Variants in RNF212B observed in about 807,000 individuals in gnomAD.
RNF212B encodes the protein ring finger protein 212B.
RNF212B carries 52 observed loss-of-function variants against 55.5 expected under a neutral mutation model. The observed-to-expected ratio is 0.94, with a 90% CI of 0.75 to 1.18. The LOEUF is 1.18. Among genes scored for constraint, RNF212B ranks in the 50% most tolerant of loss-of-function variants. The probability of loss-of-function intolerance (pLI) is 0.00; values close to 1 mark genes in which losing one functional copy is unlikely to be tolerated. For synonymous variants in RNF212B, 99 were observed against 121.4 expected, an observed-to-expected ratio of 0.82 and a Z score of 1.21; for missense variants, 289 against 350.4, an observed-to-expected ratio of 0.82 and a Z score of 1.40.
At chr14:23,225,667 G>A (rs553085298) in intron 2 of RNF212B, among the ~76,000 whole-genome samples, 44 of 150,570 alleles carry the variant, frequency 2.9e-4, no homozygotes, top group African/African-American at 1.0e-3. Context: ...GGGTAGTGGG[G>A]ATGGGGTGGG....
At chr14:23,231,057 C>G (rs1326080040) in intron 2 of RNF212B, among the ~76,000 whole-genome samples, 1 of 152,134 alleles carries the variant, frequency 6.6e-6, no homozygotes, top group African/African-American at 2.4e-5. Flanking sequence ...CAATATGAGT[C>G]TTCCAAATTT....
intron 2 of RNF212B, among the ~76,000 whole-genome samples, chr14:23,222,207 CT>C (rs1271457936): frequency 1.3e-5 from 2 of 151,488 alleles, no homozygotes; most frequent in Non-Finnish European, 2.9e-5. Flanking sequence ...AAAAAAAGTT[CT>C]TTTGAAAAGA....
At chr14:23,220,836 C>T (rs1053187633) in intron 2 of RNF212B, among the ~76,000 whole-genome samples, 1 of 151,084 alleles carries the variant, frequency 6.6e-6, no homozygotes, top group Non-Finnish European at 1.5e-5. Context: ...AAAAACAAAA[C>T]AAAACAAAAA....
intron 2 of RNF212B, among the ~76,000 whole-genome samples, chr14:23,198,010 G>A (rs1878903196): frequency 6.6e-6 from 1 of 152,108 alleles, no homozygotes; most frequent in Non-Finnish European, 1.5e-5. Flanking sequence ...CAGTTAGGGT[G>A]GGGCAGGAAC....
chr14:23,193,899 T>A (rs1467286745), intron 2 of RNF212B, among the ~76,000 whole-genome samples: 1 of 152,204 alleles, frequency 6.6e-6, no homozygotes, highest in African/African-American at 2.4e-5. Flanking sequence ...TGGAGTGCAG[T>A]GGCGCGATCT....
chr14:23,269,598 G>A (rs1008093263), intron 12 of RNF212B, among the ~76,000 whole-genome samples: 1 of 151,866 alleles, frequency 6.6e-6, no homozygotes, highest in African/African-American at 2.4e-5. Context: ...TGTGGTCCCA[G>A]CTACTTGGGA....
chr14:23,257,514 CAA>C (rs1026417793), intron 4 of RNF212B, among the ~76,000 whole-genome samples: 3 of 152,018 alleles, frequency 2.0e-5, no homozygotes, highest in African/African-American at 7.3e-5. Context: ...TAAGTGAGAA[CAA>C]AAAGTTTATG....
chr14:23,220,729 G>T (rs1337151372), intron 2 of RNF212B, among the ~76,000 whole-genome samples: 1 of 148,200 alleles, frequency 6.7e-6, no homozygotes, highest in African/African-American at 2.5e-5. Flanking sequence ...GGAGGCTGAG[G>T]CAGGAGAATG....
intron 2 of RNF212B, among the ~76,000 whole-genome samples, chr14:23,211,462 A>C (rs779133368): frequency 7.9e-5 from 12 of 152,150 alleles, no homozygotes; most frequent in Non-Finnish European, 1.8e-4. Flanking sequence ...TTCTACACAA[A>C]TACTCCCCAA....
chr14:23,238,236 T>A (rs1883272447), intron 1 of RNF212B, among the ~76,000 whole-genome samples, 181 bp downstream of exon 1: 1 of 150,658 alleles, frequency 6.6e-6, no homozygotes, highest in East Asian at 1.9e-4. Flanking sequence ...TAAACAAACC[T>A]GGGCATATAG....
intron 1 of RNF212B, among the ~76,000 whole-genome samples, chr14:23,238,774 A>ATCATCATCATC (rs1555316061): frequency 0.012 from 1,386 of 119,638 alleles, 14 homozygotes; most frequent in South Asian, 0.036. Flanking sequence ...TAATAATAAT[A>ATCATCATCATC]ATAATAATCC....
chr14:23,252,459 T>G (rs1157083743), intron 4 of RNF212B, among the ~76,000 whole-genome samples: 1 of 152,240 alleles, frequency 6.6e-6, no homozygotes, highest in Non-Finnish European at 1.5e-5. Context: ...ATAATTAATT[T>G]CTGAACCATA....
chr14:23,256,988 A>G (rs997757743), intron 4 of RNF212B, among the ~76,000 whole-genome samples: 19 of 152,188 alleles, frequency 1.2e-4, no homozygotes, highest in East Asian at 9.7e-4. Flanking sequence ...CCCTGTCTCT[A>G]TTAAAAATAC....
chr14:23,200,234 T>C (rs180674233), intron 2 of RNF212B, among the ~76,000 whole-genome samples: 2 of 152,294 alleles, frequency 1.3e-5, no homozygotes, highest in African/African-American at 4.8e-5. Context: ...GAAACTTTGT[T>C]CCATAGGAGG....
chr14:23,232,884 G>A (rs1276003771), intron 2 of RNF212B, among the ~76,000 whole-genome samples: 4 of 126,108 alleles, frequency 3.2e-5, no homozygotes, highest in African/African-American at 1.0e-4. Flanking sequence ...CCCTCTGCCC[G>A]GCCACCACCC....
At chr14:23,247,914 C>T (rs1884103645) in intron 4 of RNF212B, among the ~76,000 whole-genome samples, 1 of 152,094 alleles carries the variant, frequency 6.6e-6, no homozygotes, top group African/African-American at 2.4e-5. Flanking sequence ...GTCTGGGCTG[C>T]TATAATAAAA....
chr14:23,234,996 G>A (rs1180144106), upstream of RNF212B, among the ~76,000 whole-genome samples: 1 of 152,082 alleles, frequency 6.6e-6, no homozygotes, highest in East Asian at 1.9e-4. Flanking sequence ...GGTGGATCAC[G>A]AGGTCAAGAG....
chr14:23,203,939 G>A (rs1331058604), intron 2 of RNF212B, among the ~76,000 whole-genome samples: 1 of 152,172 alleles, frequency 6.6e-6, no homozygotes, highest in Non-Finnish European at 1.5e-5. Flanking sequence ...GGAGTAAGGT[G>A]GTGTTGCATT....
chr14:23,263,020 A>G (rs1335114059), intron 9 of RNF212B, 50 bp downstream of exon 9: 12 of 1,457,922 alleles, frequency 8.2e-6, no homozygotes, highest in African/African-American at 1.4e-5. Flanking sequence ...TGGAAGATAG[A>G]AGAAATATCT....
Sources: allele counts gnomAD v4.1 joint callset (sites outside exome capture counted in the v4.1 genomes callset), GRCh38; gene constraint gnomAD v4.1.1; transcripts MANE v1.5; gene names NCBI Gene and HGNC (gene_info 2026-07-23, HGNC 2026-07-21).